Variants in SCAP observed in about 807,000 individuals in gnomAD.
The protein encoded by SCAP is sterol regulatory element-binding protein cleavage-activating protein.
A neutral mutation model predicts 123.6 loss-of-function variants in SCAP; 65 were observed. That is an observed-to-expected ratio of 0.53 (90% confidence interval 0.43 to 0.65). SCAP has a LOEUF of 0.65. SCAP is among the 30% of genes least tolerant of loss of function. SCAP has a pLI of 0.00. For synonymous variants in SCAP, 740 were observed against 726.3 expected, an observed-to-expected ratio of 1.02 and a Z score of -0.30; for missense variants, 1,398 against 1,712.5, an observed-to-expected ratio of 0.82 and a Z score of 3.24.
Position 47,420,631 on chromosome 3 carries a change from G to A in SCAP, c.1486C>T (p.Arg496Ter). 1.2e-6 allele frequency: 2 copies of A among 1,612,272 alleles called. No individual in the cohort carries two copies. The highest frequency in any genetic ancestry group is 1.7e-6 in the Non-Finnish European group (2 of 1,179,932). The change falls in exon 12 of 23, where the codon CGA becomes TGA. Residue 496 changes from arginine to a stop codon, truncating the protein, a stop_gained. Transcript: ENST00000265565. LOFTEE classifies it high-confidence loss of function. This position sits in a 1 kb window ranked among gnomAD's most constrained non-coding sequence, Gnocchi z 5.0. ...HTITLQPSSF[R>*]NLRLPKRLRV... ...AGCCTCTTGGGGAGCCGCAGGTTTC[G>A]GAAGGAAGACGGCTGCAACGTGATG... is the stretch of plus-strand genomic sequence containing the variant.
At chr3:47,441,874 C>CTTTTTTTTTTT (rs1160447716) in intron 2 of SCAP, among the ~76,000 whole-genome samples, 20 of 76,400 alleles carry the variant, frequency 2.6e-4, no homozygotes, top group Non-Finnish European at 3.1e-4. Context: ...GTTCATCTTT[C>CTTTTTTTTTTT]TTTTTTTTTT....
At position 47,431,649 on chromosome 3, in the gene SCAP, C is replaced by T. The variant is rs968322445; in HGVS notation, c.253-2979G>A. Among the ~76,000 whole-genome samples, 7 of 152,090 alleles carry T rather than the reference C, an allele frequency of 4.6e-5. No homozygotes were observed. The East Asian group carries it at 5.8e-4, about 13-fold the overall frequency. ...TGATGTTTTACTTCTAATTATACTG[C>T]GGTTATGGGTTTGGGAGAGGAAGAT... is the stretch of plus-strand genomic sequence containing the variant. On this transcript the variant is annotated intron_variant, in intron 3 of 22. Coordinates refer to ENST00000265565, the MANE Select transcript of SCAP (RefSeq NM_012235.4).
At chr3:47,427,122 G>A in intron 6 of SCAP, 35 bp downstream of exon 6, 5 of 1,470,832 alleles carry the variant, frequency 3.4e-6, no homozygotes, top group Non-Finnish European at 4.8e-6. Flanking sequence ...TCACCCAGCA[G>A]ACCAGTCAAG....
intron 2 of SCAP, among the ~76,000 whole-genome samples, chr3:47,435,465 AACATACACACACACACACACACAC>A (rs1436171199): frequency 1.2e-4 from 15 of 121,526 alleles, no homozygotes; most frequent in Admixed American, 7.6e-4. Context: ...ATATAATATA[AACATACACACACACACACACACAC>A]ACACACACAC....
intron 18 of SCAP, among the ~76,000 whole-genome samples, chr3:47,416,363 G>A (rs1705570069): frequency 6.6e-6 from 1 of 152,234 alleles, no homozygotes; most frequent in South Asian, 2.1e-4. Context: ...GGCCAAGCAC[G>A]ACAGAGGCAG....
At chr3:47,441,648 T>C (rs2107905855) in intron 2 of SCAP, among the ~76,000 whole-genome samples, 1 of 152,036 alleles carries the variant, frequency 6.6e-6, no homozygotes, top group East Asian at 1.9e-4. Context: ...TGAGCCAGAG[T>C]GAAACCAGGT....
At chr3:47,466,247 G>A (rs1707826805) in intron 1 of SCAP, among the ~76,000 whole-genome samples, 1 of 151,944 alleles carries the variant, frequency 6.6e-6, no homozygotes, top group African/African-American at 2.4e-5. Flanking sequence ...ACTAAGTTGA[G>A]GACTCACACT....
At chr3:47,433,228 T>C (rs1706437735) in intron 3 of SCAP, among the ~76,000 whole-genome samples, 1 of 152,204 alleles carries the variant, frequency 6.6e-6, no homozygotes, top group Non-Finnish European at 1.5e-5. Flanking sequence ...CCCACTTCAG[T>C]ATCGCTGGCC....
chr3:47,442,433 AAAG>A (rs376983008), intron 2 of SCAP, among the ~76,000 whole-genome samples: 3 of 152,332 alleles, frequency 2.0e-5, no homozygotes, highest in African/African-American at 7.2e-5. Context: ...ACTAGAGAGC[AAAG>A]AAGCAAGTCT....
chr3:47,417,598 C>CT lies in SCAP; in HGVS notation c.2675dup (p.Pro893AlafsTer19). 1 of 1,600,740 alleles carries CT rather than the reference C, an allele frequency of 6.2e-7. No homozygotes were observed. The highest frequency in any genetic ancestry group is 8.5e-7 in the Non-Finnish European group (1 of 1,175,116). On this transcript the variant is annotated frameshift_variant, in exon 17 of 23. Transcript: ENST00000265565. LOFTEE classifies it high-confidence loss of function. ...AGACCGCCCGGTGCCGGGGCTCGGG[C>CT]TGAGTGGGCTGTGAGGACCGAGGCT...
At chr3:47,445,313 C>T (rs574383880) in intron 1 of SCAP, among the ~76,000 whole-genome samples, 2 of 143,558 alleles carry the variant, frequency 1.4e-5, no homozygotes, top group African/African-American at 5.2e-5. Context: ...GTGGCACAAT[C>T]TCCACTCAAT....
intron 1 of SCAP, among the ~76,000 whole-genome samples, chr3:47,464,204 C>T (rs147170058): frequency 0.016 from 2,377 of 151,984 alleles, 68 homozygotes; most frequent in African/African-American, 0.054. Context: ...TTAGTAGAGA[C>T]GGGGTTTCAC....
chr3:47,427,744 C>T, intron 4 of SCAP, 77 bp from the exon 5 acceptor site: 1 of 1,277,214 alleles, frequency 7.8e-7, no homozygotes, highest in Non-Finnish European at 1.1e-6. Flanking sequence ...GGGACATCCT[C>T]TGTCTGTTCT....
chr3:47,423,965 A>G lies in SCAP; in HGVS notation c.1118T>C (p.Val373Ala), dbSNP rs1370489096. 1.2e-6 allele frequency: 2 copies of G among 1,614,062 alleles called. No homozygotes were observed. Among genetic ancestry groups the G allele is most frequent in the Non-Finnish European group, 1.7e-6 (2 of 1,179,922 alleles). ...GATCCGCAGCTTCACCTCCAGGTCT[A>G]CCGGGGTTGAGACCACAGACTTGGT... is the stretch of plus-strand genomic sequence containing the variant. ...VLTKSVVSTP[V>A]DLEVKLRIAQ... is the part of the protein sequence containing the mutation. The change falls in exon 9 of 23, where the codon GTA (valine) becomes GCA (alanine). Residue 373 changes from valine (V) to alanine (A), a missense_variant. By Grantham distance (64) the Val-to-Ala change is moderately conservative. Around this residue, in one of 7 missense-constraint regions of SCAP, gnomAD observed 66 missense variants for 116.3 expected, o/e 0.57. Coordinates refer to ENST00000265565, the MANE Select transcript of SCAP (RefSeq NM_012235.4).
intron 9 of SCAP, chr3:47,422,769 C>A: frequency 2.2e-6 from 1 of 449,326 alleles, no homozygotes; most frequent in Non-Finnish European, 4.0e-6. Flanking sequence ...CTGGAGGGTG[C>A]AGAGGAGAGC....
chr3:47,458,066 T>C (rs1367721841), intron 1 of SCAP, among the ~76,000 whole-genome samples: 1 of 152,030 alleles, frequency 6.6e-6, no homozygotes, highest in Non-Finnish European at 1.5e-5. Flanking sequence ...GGTGGGCAGA[T>C]CACCTGAGGT....
In SCAP at chr3:47,418,781, T is replaced by A; in HGVS notation, c.2003A>T (p.Glu668Val). ...TLRLNPREAL[E>V]GRHPQDGRSA... is the part of the protein sequence containing the mutation. ...GCGGCCGTCCTGAGGGTGCCGGCCC[T>A]CCAGAGCCTCCCTCGGGTTCAGGCG... The change falls in exon 14 of 23, where the codon GAG becomes GTG. Residue 668 changes from glutamate (E) to valine (V), a missense_variant. Physicochemically the swap from Glu to Val is moderately radical, Grantham distance 121. Around this residue, in one of 7 missense-constraint regions of SCAP, gnomAD observed 828 missense variants for 882.5 expected, o/e 0.94. Transcript: ENST00000265565. The A allele has an allele frequency of 1.3e-6, 2 of 1,565,118 alleles. No individual in the cohort carries two copies. Among genetic ancestry groups the A allele is most frequent in the Non-Finnish European group, 1.7e-6 (2 of 1,160,360 alleles).
chr3:47,427,606 T>A lies in SCAP; in HGVS notation c.472A>T (p.Arg158Trp), dbSNP rs760235273. The part of the protein sequence containing the change: ...LQVTDLLPGL[R>W]KLRNLLPEHG... ...TCAGGGAGTAGGTTCCTGAGCTTCCTAAGGCCTGGCAGCAGGTCGGTCACT... is the reference window on the plus strand; with the variant it reads ...TCAGGGAGTAGGTTCCTGAGCTTCCAAAGGCCTGGCAGCAGGTCGGTCACT... The change falls in exon 5 of 23, where the codon AGG becomes TGG. Residue 158 changes from arginine (R) to tryptophan (W), a missense_variant. Arg to Trp is a moderately radical substitution (Grantham distance 101, BLOSUM62 -3). Transcript: ENST00000265565. 6.2e-7 allele frequency: 1 copy of A among 1,614,184 alleles called. No homozygotes were observed. Among genetic ancestry groups the A allele is most frequent in the Non-Finnish European group, 8.5e-7 (1 of 1,180,022 alleles).
rs541888984 is a variant in SCAP, at chr3:47,427,782, T to C, written c.411-115A>G. ...AATGCCCCATATTTGCTCTCTGGTA[T>C]CGCCAAAGAGCCTGACCACTAGGGC... On this transcript the variant is annotated intron_variant, in intron 4 of 22. Coordinates refer to ENST00000265565, the MANE Select transcript of SCAP (RefSeq NM_012235.4). 8.9e-6 allele frequency: 8 copies of C among 903,404 alleles called. No homozygotes were observed. The East Asian group carries it at 2.1e-4, about 24-fold the overall frequency. 56.0% of individuals were successfully genotyped at this position (903,404 alleles called of 1,614,324 possible).
Sources: gnomAD v4.1 joint callset for allele counts (sites outside exome capture counted in the v4.1 genomes callset) on GRCh38, gnomAD v4.1.1 for gene constraint, gnomAD v4.1.1 regional missense constraint, Gnocchi (gnomAD v3.1) non-coding constraint, MANE v1.5 for transcripts, NCBI Gene and HGNC (gene_info 2026-07-23, HGNC 2026-07-21) for gene names.